ZNF600: variants seen among roughly 807,000 people sequenced by gnomAD.
ZNF600 encodes zinc finger protein 600.
A neutral mutation model predicts 7.3 loss-of-function variants in ZNF600; 4 were observed. The observed-to-expected ratio is 0.55, with a 90% CI of 0.27 to 1.25. The LOEUF is 1.25. Ranked by LOEUF, ZNF600 falls within the 50% of genes most tolerant of loss-of-function variation. The pLI, the probability that ZNF600 is intolerant of heterozygous loss-of-function variation, is 0.12. For synonymous variants in ZNF600, 290 were observed against 308.9 expected (o/e 0.94, Z 0.64); for missense variants, 911 against 922.1 (o/e 0.99, Z 0.16).
At chr19:52,779,965 A>G (rs1025811392) in intron 1 of ZNF600, among the ~76,000 whole-genome samples, 13 of 152,024 alleles carry the variant, frequency 8.6e-5, no homozygotes, top group African/African-American at 3.1e-4. Context: ...GCAGTGAGCC[A>G]AGACTGTGCC....
At chr19:52,810,882 TCCCCCTCCCCCTCCCC>T in the ZNF600 span, among the ~76,000 whole-genome samples, 360 of 5,072 alleles carry the variant, frequency 0.071, 17 homozygotes, top group African/African-American at 0.22. Flanking sequence ...CCCCTCCCCC[TCCCCCTCCCCCTCCCC>T]CTCCCTCTCC....
chr19:52,793,194 C>T, the ZNF600 span, among the ~76,000 whole-genome samples: 1 of 152,140 alleles, frequency 6.6e-6, no homozygotes, highest in African/African-American at 2.4e-5. Flanking sequence ...GTACTTCTTA[C>T]GTATACTGAT....
chr19:52,790,473 G>A (rs76058655), upstream of ZNF600, among the ~76,000 whole-genome samples: 1 of 151,848 alleles, frequency 6.6e-6, no homozygotes, highest in African/African-American at 2.4e-5. Context: ...CTTCAGCTTG[G>A]GCAACAGAGC....
At chr19:52,802,843 C>T in the ZNF600 span, among the ~76,000 whole-genome samples, 1 of 149,634 alleles carries the variant, frequency 6.7e-6, no homozygotes, top group African/African-American at 2.5e-5. Flanking sequence ...TCACTGCAAG[C>T]TCCACCTCCC....
the ZNF600 span, chr19:52,805,453 C>T: frequency 6.6e-6 from 1 of 150,702 alleles, no homozygotes; most frequent in Non-Finnish European, 1.5e-5. Flanking sequence ...ATGGTGGAAC[C>T]CCATCTCTAC....
At chr19:52,812,080 C>T in the ZNF600 span, among the ~76,000 whole-genome samples, 1 of 95,932 alleles carries the variant, frequency 1.0e-5, no homozygotes, top group African/African-American at 5.9e-5. Flanking sequence ...TCTGCCCGGC[C>T]GCCCCTACTG....
chr19:52,818,882 T>C, the ZNF600 span, among the ~76,000 whole-genome samples: 3 of 73,374 alleles, frequency 4.1e-5, no homozygotes, highest in African/African-American at 1.6e-4. Context: ...AGAGTCTGTT[T>C]GGGAAAAAAA....
the ZNF600 span, among the ~76,000 whole-genome samples, chr19:52,804,839 C>T: frequency 2.6e-5 from 4 of 152,306 alleles, no homozygotes; most frequent in South Asian, 6.2e-4. Context: ...AGTGAAATGA[C>T]AGAGACAGGA....
the ZNF600 span, among the ~76,000 whole-genome samples, chr19:52,831,660 G>A: frequency 1.6e-4 from 24 of 151,944 alleles, 1 homozygote; most frequent in African/African-American, 4.8e-4. Flanking sequence ...CCGCCACCAC[G>A]CCCAGCTAAT....
Position 52,765,742 on chromosome 19 carries a change from C to G in ZNF600, c.2221G>C (p.Asp741His), listed in dbSNP as rs73936403. ...TGTGAATCACTCCCAAAAGTCTTGTCACAAACCTTACATTTGTATGGTTTC... is the reference window on the plus strand; with the variant it reads ...TGTGAATCACTCCCAAAAGTCTTGTGACAAACCTTACATTTGTATGGTTTC... Residue 741 changes from aspartate (D) to histidine (H), a missense_variant, in exon 4 of 4, where the codon GAC becomes CAC. Physicochemically the swap from Asp to His is moderately conservative, Grantham distance 81. Transcript: ENST00000648973. The G allele has an allele frequency of 8.3e-4, 1,333 of 1,613,786 alleles. 11 individuals are homozygous for G. The African/African-American group carries it at 0.016, about 19-fold the overall frequency.
the ZNF600 span, among the ~76,000 whole-genome samples, chr19:52,813,407 C>T: frequency 6.6e-6 from 1 of 151,148 alleles, no homozygotes; most frequent in Non-Finnish European, 1.5e-5. Flanking sequence ...CACGTCTCAA[C>T]AGTGCAAGCT....
the ZNF600 span, among the ~76,000 whole-genome samples, chr19:52,831,272 G>A: frequency 0.024 from 3,680 of 152,154 alleles, 153 homozygotes; most frequent in African/African-American, 0.08. Context: ...AGTGGCTCAT[G>A]CCTGTAATAA....
Position 52,777,677 on chromosome 19 carries a change from A to G in ZNF600, c.63+1149T>C, listed in dbSNP as rs2062687150. Among the ~76,000 whole-genome samples, 7 of 152,180 alleles carry G rather than the reference A, an allele frequency of 4.6e-5. No individual in the cohort carries two copies. In the South Asian group the frequency reaches 1.0e-3, roughly 23 times the overall value. Reference sequence around the variant, plus strand: ...AAACCCCGTCTCAAATAAAAATACAAAAATTAGCTGGGTGTGGTGGTGCAT... The same window carrying G: ...AAACCCCGTCTCAAATAAAAATACAGAAATTAGCTGGGTGTGGTGGTGCAT... On this transcript the variant is annotated intron_variant, in intron 2 of 3. Coordinates refer to ENST00000648973, the Ensembl canonical transcript of ZNF600.
At chr19:52,766,600 A>C in exon 4 of ZNF600, 3 of 1,614,178 alleles carry the variant, frequency 1.9e-6, no homozygotes, top group Non-Finnish European at 2.5e-6. Context: ...TTACATTTGT[A>C]AGATTTCTCT....
chr19:52,812,193 C>T, the ZNF600 span, among the ~76,000 whole-genome samples: 2 of 130,748 alleles, frequency 1.5e-5, no homozygotes, highest in Non-Finnish European at 3.1e-5. Flanking sequence ...AGGTGAGGGG[C>T]GCTTCTGCCC....
the ZNF600 span, chr19:52,799,515 C>T: frequency 1.3e-4 from 167 of 1,237,350 alleles, 1 homozygote; most frequent in East Asian, 2.2e-3. Flanking sequence ...ACATTCATTA[C>T]ACTTGTAAAG....
At chr19:52,824,839 G>T in the ZNF600 span, among the ~76,000 whole-genome samples, 1 of 152,056 alleles carries the variant, frequency 6.6e-6, no homozygotes, top group Non-Finnish European at 1.5e-5. Context: ...ATGATCCCAA[G>T]AAATTATACA....
chr19:52,804,191 G>C, the ZNF600 span, among the ~76,000 whole-genome samples: 133,947 of 152,210 alleles, frequency 0.88, 59,171 homozygotes, highest in East Asian at 0.91. Context: ...GAAGAAGGCT[G>C]TCACCAGGAA....
intron 1 of ZNF600, 47 bp from the exon 3 acceptor site, chr19:52,781,102 A>G (rs1212199109): frequency 2.6e-5 from 4 of 151,688 alleles, no homozygotes; most frequent in African/African-American, 9.7e-5. Flanking sequence ...CTGTGAGATG[A>G]TAAGGTTCAA....
Sources: allele counts gnomAD v4.1 joint callset (sites outside exome capture counted in the v4.1 genomes callset), GRCh38; gene constraint gnomAD v4.1.1; transcripts MANE v1.5; gene names NCBI Gene and HGNC (gene_info 2026-07-23, HGNC 2026-07-21).